Variants in VAX2 observed in about 807,000 individuals in gnomAD.
VAX2 encodes ventral anterior homeobox 2.
Under a neutral mutation model 12.5 loss-of-function variants are expected in VAX2, and 8 were observed. The observed-to-expected ratio is 0.64, with a 90% confidence interval of 0.37 to 1.15. VAX2 has a LOEUF of 1.15. Ranked by LOEUF, VAX2 falls within the 50% of genes most tolerant of loss-of-function variation. The probability of loss-of-function intolerance (pLI) is 0.01; values close to 1 mark genes in which losing one functional copy is unlikely to be tolerated. For missense variants in VAX2, 476 were observed against 412.9 expected, an observed-to-expected ratio of 1.15 and a Z score of -1.32; for synonymous variants, 183 against 187.6, an observed-to-expected ratio of 0.98 and a Z score of 0.20.
At chr2:70,917,151 CAAAA>C (rs55909927) in intron 1 of VAX2, among the ~76,000 whole-genome samples, 28 of 82,656 alleles carry the variant, frequency 3.4e-4, no homozygotes, top group Non-Finnish European at 5.4e-4. Context: ...AACTCTGTCT[CAAAA>C]AAAAAAAAAA....
At chr2:70,909,994 C>G (rs1413832170) in intron 1 of VAX2, among the ~76,000 whole-genome samples, 1 of 151,856 alleles carries the variant, frequency 6.6e-6, no homozygotes, top group African/African-American at 2.4e-5. Context: ...TTTTTTAAAT[C>G]TTATTTATGA....
At chr2:70,928,986 G>A (rs1264437213) in intron 2 of VAX2, among the ~76,000 whole-genome samples, 20 of 152,196 alleles carry the variant, frequency 1.3e-4, no homozygotes, top group African/African-American at 2.7e-4. Context: ...GTCCTAGGAC[G>A]GGGAGGTGCT....
intron 1 of VAX2, among the ~76,000 whole-genome samples, chr2:70,905,343 T>C (rs1397787885): frequency 1.3e-5 from 2 of 152,190 alleles, no homozygotes; most frequent in African/African-American, 4.8e-5. Flanking sequence ...TGTTTGTTTG[T>C]TTTCTTGGAG....
chr2:70,907,986 A>C (rs538216751), intron 1 of VAX2, among the ~76,000 whole-genome samples: 4 of 152,330 alleles, frequency 2.6e-5, no homozygotes, highest in African/African-American at 9.6e-5. Context: ...GGAAAGCCTA[A>C]TTCCCCTAAA....
chr2:70,921,607 AGAG>A (rs1212170154), intron 2 of VAX2, among the ~76,000 whole-genome samples: 1 of 152,014 alleles, frequency 6.6e-6, no homozygotes, highest in Non-Finnish European at 1.5e-5. Context: ...TTGGCATGTA[AGAG>A]GAGTGACAAG....
rs1027903334 is a variant in VAX2 at position 70,933,311 on chromosome 2, C to T, written c.*107C>T. The T allele has an allele frequency of 1.2e-5, 14 of 1,122,136 alleles. No individual in the cohort carries two copies. The highest frequency in any genetic ancestry group is 7.1e-6 in the Non-Finnish European group (6 of 850,978). 69.5% of individuals were successfully genotyped at this position (1,122,136 alleles called of 1,614,324 possible). A position where few individuals can be genotyped will look rare whatever the true frequency, so the allele number is the denominator to read the frequency against. ...CCGGAGAGGAGGGGCTGCAGCCACA[C>T]ACTCTTCCCCACCTGCCCCCCAGCT... On this transcript the variant is annotated 3_prime_UTR_variant, in exon 3 of 3. Transcript: ENST00000234392.
intron 1 of VAX2, among the ~76,000 whole-genome samples, chr2:70,914,619 G>C (rs1348917008): frequency 3.3e-5 from 5 of 151,972 alleles, no homozygotes; most frequent in Non-Finnish European, 7.4e-5. Flanking sequence ...TTAATCACTT[G>C]TTAATGTCCT....
At position 70,900,698 on chromosome 2, in the gene VAX2, G is replaced by C. The variant is rs1553409591; in HGVS notation, c.77G>C (p.Gly26Ala). Reference protein sequence around the residue: ...AESGGGGGRCGDRSGAGDLRA... With the variant: ...AESGGGGGRCADRSGAGDLRA... ...TCTGGTGGCGGCGGTGGGCGCTGCG[G>C]AGACCGCAGCGGAGCGGGGGACTTG... The change falls in exon 1 of 3, where the codon GGA becomes GCA. Residue 26 changes from glycine (G) to alanine (A), a missense_variant. By Grantham distance (60) the Gly-to-Ala change is moderately conservative. Coordinates refer to ENST00000234392, the MANE Select transcript of VAX2 (RefSeq NM_012476.3). 4 of 1,342,388 alleles carry C rather than the reference G, an allele frequency of 3.0e-6. No homozygotes were observed. Among genetic ancestry groups the C allele is most frequent in the Non-Finnish European group, 3.8e-6 (4 of 1,045,584 alleles). The allele number at this position is 1,342,388 out of a possible 1,614,324, so 83.2% of individuals were successfully genotyped here.
At chr2:70,910,743 T>A (rs1679163247) in intron 1 of VAX2, among the ~76,000 whole-genome samples, 1 of 151,318 alleles carries the variant, frequency 6.6e-6, no homozygotes, top group African/African-American at 2.4e-5. Context: ...GAGCCCTTTT[T>A]CTGTGACATG....
chr2:70,925,344 G>A (rs747738741), intron 2 of VAX2, among the ~76,000 whole-genome samples: 13 of 152,150 alleles, frequency 8.5e-5, no homozygotes, highest in Non-Finnish European at 1.6e-4. Flanking sequence ...ACTAATGTGA[G>A]AGGCACTCTA....
chr2:70,921,762 TCA>T (rs1397028080), intron 2 of VAX2, among the ~76,000 whole-genome samples: 13 of 152,016 alleles, frequency 8.6e-5, no homozygotes, highest in African/African-American at 3.1e-4. Context: ...TCAGGGTGCC[TCA>T]GTCTCTTGTT....
At chr2:70,907,017 C>A (rs1159193298) in intron 1 of VAX2, among the ~76,000 whole-genome samples, 6 of 152,232 alleles carry the variant, frequency 3.9e-5, no homozygotes, top group Non-Finnish European at 7.3e-5. Context: ...GGACAAAATT[C>A]ATCAACATGG....
chr2:70,909,089 A>G (rs1464156711), intron 1 of VAX2, among the ~76,000 whole-genome samples: 8 of 152,172 alleles, frequency 5.3e-5, no homozygotes, highest in East Asian at 1.9e-4. Flanking sequence ...ATTTTAATTT[A>G]CAATTTATCC....
intron 1 of VAX2, among the ~76,000 whole-genome samples, chr2:70,916,967 A>G (rs1296760595): frequency 1.3e-5 from 2 of 152,062 alleles, no homozygotes; most frequent in Admixed American, 6.5e-5. Context: ...CCTGGCCAAC[A>G]TGGTAAAACC....
At chr2:70,925,677 T>C (rs891154308) in intron 2 of VAX2, among the ~76,000 whole-genome samples, 4 of 152,126 alleles carry the variant, frequency 2.6e-5, no homozygotes, top group Admixed American at 2.6e-4. Context: ...CCTCAGATAA[T>C]GGATGGACTC....
Position 70,910,805 on chromosome 2 carries a change from C to CAAAA in VAX2, c.247+9940_247+9943dup, listed in dbSNP as rs34270321. ...TCTTAAAAAAAAAAACAAAACAAAACAAAAAACCCACAAAAAAACAGCAAC... is the reference window on the plus strand; with the variant it reads ...TCTTAAAAAAAAAAACAAAACAAAACAAAAAAAAAACCCACAAAAAAACAGCAAC... On this transcript the variant is annotated intron_variant, in intron 1 of 2. Transcript: ENST00000234392. Among the ~76,000 whole-genome samples the CAAAA allele has an allele frequency of 1.0e-2, 1,463 of 146,380 alleles. 24 individuals carry two copies. Among genetic ancestry groups the CAAAA allele is most frequent in the African/African-American group, 0.034 (1,375 of 40,022 alleles).
chr2:70,925,561 G>A (rs1679550025), intron 2 of VAX2, among the ~76,000 whole-genome samples: 1 of 152,174 alleles, frequency 6.6e-6, no homozygotes, highest in African/African-American at 2.4e-5. Flanking sequence ...TGTCAAGAAA[G>A]CATGTCAGAT....
rs1679446916 is a variant in VAX2, at chr2:70,921,120, A to T, written c.270A>T (p.Glu90Asp). Reference sequence around the variant, plus strand: ...CAGATGCCAAAGGGACAATTCGGGAAATTGTCCTGCCTAAGGGCCTGGACC... The same window carrying T: ...CAGATGCCAAAGGGACAATTCGGGATATTGTCCTGCCTAAGGGCCTGGACC... ...LVRDAKGTIREIVLPKGLDLD... is the reference protein window; with the variant it reads ...LVRDAKGTIRDIVLPKGLDLD... Residue 90 changes from glutamate (E) to aspartate (D), a missense_variant, in exon 2 of 3, where the codon GAA becomes GAT. Coordinates refer to ENST00000234392, the MANE Select transcript of VAX2 (RefSeq NM_012476.3). The T allele has an allele frequency of 1.2e-6, 2 of 1,604,892 alleles. No homozygotes were observed. The highest frequency in any genetic ancestry group is 8.5e-7 in the Non-Finnish European group (1 of 1,175,782).
intron 2 of VAX2, among the ~76,000 whole-genome samples, chr2:70,931,986 C>T (rs1391079872): frequency 6.6e-6 from 1 of 152,228 alleles, no homozygotes; most frequent in Non-Finnish European, 1.5e-5. Flanking sequence ...TTAAAAACTA[C>T]TAAAGTCTGG....
Sources: gnomAD v4.1 joint callset for allele counts (sites outside exome capture counted in the v4.1 genomes callset) on GRCh38, gnomAD v4.1.1 for gene constraint, MANE v1.5 for transcripts, NCBI Gene and HGNC (gene_info 2026-07-23, HGNC 2026-07-21) for gene names.